Variants in CCDC170 observed in about 807,000 individuals in gnomAD.
CCDC170 encodes the protein coiled-coil domain containing 170, also known as coiled-coil domain-containing protein 170.
CCDC170 carries 69 observed loss-of-function variants against 72.6 expected under a neutral mutation model. That is an observed-to-expected ratio of 0.95 (90% CI 0.78 to 1.16). CCDC170 has a LOEUF of 1.16. Among genes scored for constraint, CCDC170 ranks in the 50% most tolerant of loss-of-function variants. The pLI, the probability that CCDC170 is intolerant of heterozygous loss-of-function variation, is 0.00. For synonymous variants in CCDC170, 300 were observed against 303.9 expected (o/e 0.99, Z 0.13); for missense variants, 852 against 832.5 (o/e 1.02, Z -0.29).
chr6:151,561,737 T>G (rs539364911), intron 5 of CCDC170, among the ~76,000 whole-genome samples: 59 of 152,220 alleles, frequency 3.9e-4, no homozygotes, highest in African/African-American at 1.4e-3. Flanking sequence ...TCTAAATTTC[T>G]TGAATCTGGA....
At chr6:151,541,002 C>T (rs1051037307) in intron 3 of CCDC170, among the ~76,000 whole-genome samples, 1 of 152,112 alleles carries the variant, frequency 6.6e-6, no homozygotes, top group Non-Finnish European at 1.5e-5. Flanking sequence ...AAAGGCTCAT[C>T]CTGACCTGGT....
At chr6:151,608,101 T>A (rs1223448817) in intron 9 of CCDC170, among the ~76,000 whole-genome samples, 3 of 152,172 alleles carry the variant, frequency 2.0e-5, no homozygotes, top group Non-Finnish European at 4.4e-5. Flanking sequence ...CATGATCTAG[T>A]CTATTGTTGA....
intron 3 of CCDC170, among the ~76,000 whole-genome samples, chr6:151,543,399 A>G (rs1782722075): frequency 1.3e-5 from 2 of 151,940 alleles, no homozygotes. Context: ...TATAATGATC[A>G]AATCAGGGAA....
chr6:151,523,963 A>G (rs1380684730), intron 1 of CCDC170, among the ~76,000 whole-genome samples: 1 of 152,196 alleles, frequency 6.6e-6, no homozygotes, highest in Non-Finnish European at 1.5e-5. Context: ...GCGAAAGTTT[A>G]ATAAGCGAAA....
chr6:151,509,001 G>A (rs1163721683), intron 1 of CCDC170, among the ~76,000 whole-genome samples: 2 of 131,878 alleles, frequency 1.5e-5, no homozygotes, highest in Non-Finnish European at 3.1e-5. Flanking sequence ...GGCAACAAGA[G>A]CGAAACTCCT....
At chr6:151,586,494 A>G (rs868306257) in intron 7 of CCDC170, among the ~76,000 whole-genome samples, 3 of 152,212 alleles carry the variant, frequency 2.0e-5, no homozygotes, top group African/African-American at 7.2e-5. Flanking sequence ...GAGAGGAGAT[A>G]ATTAAGTTCA....
intron 1 of CCDC170, among the ~76,000 whole-genome samples, chr6:151,532,398 G>A (rs973501610): frequency 2.0e-5 from 3 of 152,110 alleles, no homozygotes; most frequent in South Asian, 4.1e-4. Context: ...CTTGAGGTCA[G>A]GAGTTCGAGA....
intron 5 of CCDC170, among the ~76,000 whole-genome samples, chr6:151,556,591 TTTTA>T (rs1288729900): frequency 6.6e-6 from 1 of 152,248 alleles, no homozygotes; most frequent in Non-Finnish European, 1.5e-5. Context: ...CTCCTACTTT[TTTTA>T]TTTATTATTG....
intron 8 of CCDC170, among the ~76,000 whole-genome samples, chr6:151,594,873 A>C (rs1776597182): frequency 6.6e-6 from 1 of 151,400 alleles, no homozygotes. Flanking sequence ...CTGGTCTTGA[A>C]CTCCTGACCT....
intron 3 of CCDC170, among the ~76,000 whole-genome samples, chr6:151,543,544 C>A (rs979223504): frequency 3.3e-5 from 5 of 152,136 alleles, no homozygotes; most frequent in Non-Finnish European, 7.4e-5. Flanking sequence ...CTAGAACTTA[C>A]CCCTGCCATC....
At chr6:151,568,073 G>C (rs112261426) in intron 5 of CCDC170, among the ~76,000 whole-genome samples, 1,336 of 117,416 alleles carry the variant, frequency 0.011, 9 homozygotes, top group Non-Finnish European at 0.015. Context: ...TCATGCCACT[G>C]CACTCCAGCC....
intron 7 of CCDC170, among the ~76,000 whole-genome samples, chr6:151,586,493 T>C (rs1320160790): frequency 6.6e-6 from 1 of 152,140 alleles, no homozygotes; most frequent in African/African-American, 2.4e-5. Flanking sequence ...GGAGAGGAGA[T>C]AATTAAGTTC....
chr6:151,543,187 A>G (rs1782717507), intron 3 of CCDC170, among the ~76,000 whole-genome samples: 1 of 152,190 alleles, frequency 6.6e-6, no homozygotes, highest in Middle Eastern at 3.2e-3. Flanking sequence ...TTAAAGCATT[A>G]GAAATAGGCC....
chr6:151,510,899 T>A lies in CCDC170; in HGVS notation c.57+16714T>A, dbSNP rs147340407. Among the ~76,000 whole-genome samples, 23 of 151,990 alleles carry A rather than the reference T, an allele frequency of 1.5e-4. No homozygotes were observed. In the East Asian group the frequency reaches 4.1e-3, roughly 27 times the overall value. On this transcript the variant is annotated intron_variant, in intron 1 of 10. Transcript: ENST00000239374. ...TACAGGTGCCTGCCACCATGCCTGG[T>A]TAATTTTTGTATTTTTAGTAGAGAT...
At chr6:151,599,771 A>G (rs1776676649) in intron 9 of CCDC170, among the ~76,000 whole-genome samples, 2 of 152,206 alleles carry the variant, frequency 1.3e-5, no homozygotes, top group African/African-American at 4.8e-5. Flanking sequence ...CTGTGAGTCA[A>G]GCATGTGCGG....
chr6:151,532,692 CAT>C (rs1292602283), intron 1 of CCDC170, among the ~76,000 whole-genome samples: 3 of 151,888 alleles, frequency 2.0e-5, no homozygotes, highest in East Asian at 1.9e-4. Context: ...ACATTTAAAA[CAT>C]ATAAATTCTC....
chr6:151,619,599 C>T lies in CCDC170; in HGVS notation c.*1452C>T, dbSNP rs1437383262. The T allele has an allele frequency of 1.3e-5, 2 of 152,078 alleles. No individual in the cohort carries two copies. The highest frequency in any genetic ancestry group is 2.9e-5 in the Non-Finnish European group (2 of 68,022). The allele number at this position is 152,078 out of a possible 1,614,324, so 9.4% of individuals were successfully genotyped here. A position where few individuals can be genotyped will look rare whatever the true frequency, so the allele number is the denominator to read the frequency against. ...AATGAAAAATATACAACCAACCGTT[C>T]GTGAGTCATCAAAAAGTCAAAGTCA... On this transcript the variant is annotated 3_prime_UTR_variant, in exon 11 of 11. Transcript: ENST00000239374.
At chr6:151,520,850 C>T (rs1328178889) in intron 1 of CCDC170, among the ~76,000 whole-genome samples, 1 of 152,156 alleles carries the variant, frequency 6.6e-6, no homozygotes, top group Non-Finnish European at 1.5e-5. Context: ...TGGCTTCCCC[C>T]CACCCACCAA....
In CCDC170 at chr6:151,544,719, G is replaced by A. The variant is rs1378323686; in HGVS notation, c.588+3G>A. On this transcript the variant is annotated splice_donor_region_variant and intron_variant, in intron 4 of 10. Coordinates refer to ENST00000239374, the MANE Select transcript of CCDC170 (RefSeq NM_025059.4). ...CAGATGAAGATTTAATTTTAAAGGT[G>A]TCTGTATGCAGATTAAAAAGTCTAT... 8.1e-6 allele frequency: 13 copies of A among 1,603,992 alleles called. No individual in the cohort carries two copies. The highest frequency in any genetic ancestry group is 1.1e-5 in the Non-Finnish European group (13 of 1,172,332).
Sources: gnomAD v4.1 joint callset for allele counts (sites outside exome capture counted in the v4.1 genomes callset) on GRCh38, gnomAD v4.1.1 for gene constraint, MANE v1.5 for transcripts, NCBI Gene and HGNC (gene_info 2026-07-23, HGNC 2026-07-21) for gene names.